Variants in FN1 observed in about 807,000 individuals in gnomAD.
The protein encoded by FN1 is fibronectin.
A neutral mutation model predicts 297.3 loss-of-function variants in FN1; 106 were observed. The ratio of observed to expected loss-of-function variants is 0.36; its 90% confidence interval spans 0.30 to 0.42. FN1 has a LOEUF of 0.42. Among genes scored for constraint, FN1 ranks in the 10% least tolerant of loss-of-function variants. FN1 has a pLI of 1.00. For missense variants in FN1, 2,690 were observed against 3,124.9 expected (o/e 0.86, Z 3.32); for synonymous variants, 1,149 against 1,152.6 (o/e 1.00, Z 0.06).
intron 15 of FN1, 23 bp downstream of exon 15, chr2:215,409,540 C>T: frequency 6.2e-7 from 1 of 1,611,460 alleles, no homozygotes; most frequent in Non-Finnish European, 8.5e-7. Context: ...CTGAACCTGT[C>T]TTGAGCGACA....
intron 42 of FN1, among the ~76,000 whole-genome samples, chr2:215,366,287 A>T (rs1263144528): frequency 1.3e-5 from 2 of 152,194 alleles, no homozygotes; most frequent in Non-Finnish European, 2.9e-5. Flanking sequence ...GTGGAAAACT[A>T]AAGTGGGATT....
At chr2:215,405,213 A>G (rs1442967528) in intron 19 of FN1, among the ~76,000 whole-genome samples, 1 of 152,268 alleles carries the variant, frequency 6.6e-6, no homozygotes. Flanking sequence ...CACTATCAGA[A>G]TCACATAAGT....
chr2:215,371,284 G>A (rs942248666), intron 40 of FN1, among the ~76,000 whole-genome samples: 1 of 149,878 alleles, frequency 6.7e-6, no homozygotes, highest in Non-Finnish European at 1.5e-5. Flanking sequence ...AAAAAAAAAT[G>A]GATACTGTCA....
rs2060666395 is a variant in FN1, at chr2:215,399,121, T to C, written c.3348+136A>G. 3 of 719,512 alleles carry C rather than the reference T, an allele frequency of 4.2e-6. No individual in the cohort carries two copies. In the Admixed American group the frequency reaches 5.8e-5, roughly 14 times the overall value. 44.6% of individuals were successfully genotyped at this position (719,512 alleles called of 1,614,324 possible). A position where few individuals can be genotyped will look rare whatever the true frequency, so the allele number is the denominator to read the frequency against. ...GAAGGACTGTTAGGCCCTGACAATGTAGTCAAAGATGTATGGACAGAAGCA... is the reference window on the plus strand; with the variant it reads ...GAAGGACTGTTAGGCCCTGACAATGCAGTCAAAGATGTATGGACAGAAGCA... On this transcript the variant is annotated intron_variant, in intron 21 of 45. Coordinates refer to ENST00000354785, the MANE Select transcript of FN1 (RefSeq NM_212482.4).
In FN1 at chr2:215,371,878, C is replaced by T. The variant is rs149363859; in HGVS notation, c.6714+31G>A. On this transcript the variant is annotated intron_variant, in intron 40 of 45. Transcript: ENST00000354785. ...CCTAACTTATTCCTTTCTGTGCTGC[C>T]CCATGAGAAGTGAAGAGAACAATTA... 7.6e-4 allele frequency: 1,196 copies of T among 1,567,770 alleles called. 10 individuals carry two copies. The South Asian group carries it at 8.7e-3, about 11-fold the overall frequency.
intron 11 of FN1, among the ~76,000 whole-genome samples, chr2:215,420,340 AAAAAACAAAAAC>A (rs201177329): frequency 4.7e-5 from 7 of 148,210 alleles, no homozygotes; most frequent in Admixed American, 2.8e-4. Flanking sequence ...CTCTCTCTCA[AAAAAACAAAAAC>A]AAAAACAAAA....
intron 43 of FN1, 141 bp downstream of exon 43, chr2:215,365,364 A>G: frequency 1.1e-6 from 1 of 937,138 alleles, no homozygotes. Context: ...CCACTTTCCC[A>G]AATCAAAAGA....
chr2:215,417,298 T>C (rs1463005888), intron 12 of FN1, among the ~76,000 whole-genome samples: 1 of 152,106 alleles, frequency 6.6e-6, no homozygotes, highest in East Asian at 1.9e-4. Flanking sequence ...ATAGTTGAGA[T>C]GATACCAAAA....
chr2:215,405,722 G>T (rs896487772), intron 19 of FN1, among the ~76,000 whole-genome samples: 2 of 151,970 alleles, frequency 1.3e-5, no homozygotes, highest in Non-Finnish European at 1.5e-5. Flanking sequence ...CAGCCCTGGC[G>T]ACAGAGCGAG....
chr2:215,395,248 A>T (rs1302558961), intron 23 of FN1, among the ~76,000 whole-genome samples: 1 of 152,178 alleles, frequency 6.6e-6, no homozygotes, highest in African/African-American at 2.4e-5. Flanking sequence ...AAAGGAGAAA[A>T]GGTGAGAAAC....
At chr2:215,386,075 C>CTTT (rs1339170607) in intron 28 of FN1, among the ~76,000 whole-genome samples, 1 of 111,680 alleles carries the variant, frequency 9.0e-6, no homozygotes, top group Admixed American at 1.0e-4. Flanking sequence ...TGCGCCTGGC[C>CTTT]CTTTTTTTTT....
chr2:215,420,675 A>T lies in FN1; in HGVS notation c.1673T>A (p.Val558Asp). The T allele has an allele frequency of 6.2e-7, 1 of 1,614,112 alleles. No individual in the cohort carries two copies. Among genetic ancestry groups the T allele is most frequent in the Non-Finnish European group, 8.5e-7 (1 of 1,179,990 alleles). ...TCTAGGGAAATAGGGCTACTCACCG[A>T]CGGGATCACACTTCCACCTGCCCCG... Reference protein sequence around the residue: ...QGRGRWKCDPVDQCQDSETGT... With the variant: ...QGRGRWKCDPDDQCQDSETGT... The change falls in exon 11 of 46, where the codon GTC becomes GAC. Residue 558 changes from valine (V) to aspartate (D), a missense_variant and splice_region_variant. Transcript: ENST00000354785.
intron 26 of FN1, among the ~76,000 whole-genome samples, chr2:215,389,940 A>G (rs2059519134): frequency 6.6e-6 from 1 of 152,230 alleles, no homozygotes; most frequent in African/African-American, 2.4e-5. Context: ...CAACTGTAAT[A>G]TATGGTAAAT....
At position 215,371,899 on chromosome 2, in the gene FN1, A is replaced by G; in HGVS notation, c.6714+10T>C. On this transcript the variant is annotated intron_variant, in intron 40 of 45. Transcript: ENST00000354785. ...CTGCCCCATGAGAAGTGAAGAGAAC[A>G]ATTAATTACCTGTAAGGGTTCTTCA... 6.2e-7 allele frequency: 1 copy of G among 1,604,068 alleles called. No homozygotes were observed. The highest frequency in any genetic ancestry group is 1.7e-4 in the Middle Eastern group (1 of 6,046).
chr2:215,373,180 A>G, intron 39 of FN1, 142 bp downstream of exon 39: 1 of 664,904 alleles, frequency 1.5e-6, no homozygotes, highest in East Asian at 3.0e-5. Context: ...ATTAAAGAAT[A>G]CAATATATAC....
At chr2:215,367,268 TA>T (rs1433083976) in intron 42 of FN1, among the ~76,000 whole-genome samples, 2 of 152,214 alleles carry the variant, frequency 1.3e-5, no homozygotes, top group Non-Finnish European at 2.9e-5. Flanking sequence ...ATTTGAAAAT[TA>T]AAACGTATTA....
chr2:215,387,081 C>A (rs904397204), intron 27 of FN1, 123 bp from the exon 28 acceptor site: 2 of 788,428 alleles, frequency 2.5e-6, no homozygotes, highest in East Asian at 5.4e-5. Flanking sequence ...CTCATCAATA[C>A]CATGATTTGC....
chr2:215,372,929 G>A (rs556995738), intron 39 of FN1, among the ~76,000 whole-genome samples: 1 of 152,186 alleles, frequency 6.6e-6, no homozygotes, highest in South Asian at 2.1e-4. Context: ...ACATTATTTA[G>A]CTCTAAGTTG....
At chr2:215,381,170 C>G in intron 32 of FN1, 90 bp from the exon 33 acceptor site, 6 of 1,315,204 alleles carry the variant, frequency 4.6e-6, no homozygotes, top group Non-Finnish European at 6.6e-6. Context: ...TTGCAGATAC[C>G]ATTTTCTTTG....
Sources: gnomAD v4.1 joint callset for allele counts (sites outside exome capture counted in the v4.1 genomes callset) on GRCh38, gnomAD v4.1.1 for gene constraint, MANE v1.5 for transcripts, NCBI Gene and HGNC (gene_info 2026-07-23, HGNC 2026-07-21) for gene names.